RIMS2: variants seen among roughly 807,000 people sequenced by gnomAD.
RIMS2 encodes regulating synaptic membrane exocytosis 2.
A neutral mutation model predicts 174.4 loss-of-function variants in RIMS2; 59 were observed. That is an observed-to-expected ratio of 0.34 (90% CI 0.27 to 0.42). RIMS2 has a LOEUF of 0.42. RIMS2 is among the 10% of genes least tolerant of loss of function. RIMS2 has a pLI of 1.00. For missense variants in RIMS2, 1,620 were observed against 1,666.3 expected, an observed-to-expected ratio of 0.97 and a Z score of 0.48; for synonymous variants, 606 against 572.5, an observed-to-expected ratio of 1.06 and a Z score of -0.84.
At chr8:103,516,020 A>G (rs1476056319) in intron 1 of RIMS2, among the ~76,000 whole-genome samples, 2 of 152,122 alleles carry the variant, frequency 1.3e-5, no homozygotes, top group Non-Finnish European at 2.9e-5. Flanking sequence ...AATATCATTG[A>G]AAGTGACACA....
At chr8:103,861,553 A>G (rs1045657319) in intron 3 of RIMS2, among the ~76,000 whole-genome samples, 13 of 152,152 alleles carry the variant, frequency 8.5e-5, no homozygotes, top group Admixed American at 4.6e-4. Flanking sequence ...GGAAATCTCC[A>G]TACTGTTTTC....
intron 1 of RIMS2, among the ~76,000 whole-genome samples, chr8:103,549,358 T>C (rs1299427058): frequency 6.6e-6 from 1 of 152,154 alleles, no homozygotes; most frequent in African/African-American, 2.4e-5. Flanking sequence ...GAATTTCATA[T>C]CGAGCCAAAC....
chr8:103,751,233 G>A (rs1208324521), intron 2 of RIMS2, among the ~76,000 whole-genome samples: 2 of 152,128 alleles, frequency 1.3e-5, no homozygotes, highest in Non-Finnish European at 1.5e-5. Flanking sequence ...TACTGAGAAT[G>A]ATGGTTTCCA....
intron 1 of RIMS2, among the ~76,000 whole-genome samples, chr8:103,651,776 T>A (rs1056302584): frequency 3.9e-5 from 6 of 152,110 alleles, no homozygotes; most frequent in African/African-American, 1.2e-4. Flanking sequence ...GTAAGACTTT[T>A]AAAAATACAT....
At chr8:103,734,161 C>T (rs564527356) in intron 2 of RIMS2, among the ~76,000 whole-genome samples, 51 of 151,334 alleles carry the variant, frequency 3.4e-4, no homozygotes, top group Admixed American at 8.6e-4. Context: ...TACAGGTGCA[C>T]GCCACCACAC....
intron 19 of RIMS2, among the ~76,000 whole-genome samples, chr8:104,078,501 A>G (rs771907385): frequency 2.6e-5 from 4 of 152,122 alleles, no homozygotes; most frequent in Non-Finnish European, 5.9e-5. Flanking sequence ...AAGGACACCA[A>G]TCATATTGGA....
intron 19 of RIMS2, among the ~76,000 whole-genome samples, chr8:104,025,808 C>T (rs2096244825): frequency 6.6e-6 from 1 of 151,946 alleles, no homozygotes; most frequent in Non-Finnish European, 1.5e-5. Flanking sequence ...TATTATCATA[C>T]TGTGCTTTTC....
At chr8:104,070,581 C>G (rs989918125) in intron 19 of RIMS2, among the ~76,000 whole-genome samples, 2 of 152,092 alleles carry the variant, frequency 1.3e-5, no homozygotes, top group Non-Finnish European at 2.9e-5. Context: ...AATAGACACA[C>G]CTGACCTTTT....
intron 2 of RIMS2, among the ~76,000 whole-genome samples, chr8:103,738,248 C>T (rs1195943391): frequency 2.0e-5 from 3 of 152,038 alleles, no homozygotes; most frequent in African/African-American, 7.2e-5. Context: ...TATTGTATAA[C>T]ATATTATACA....
intron 1 of RIMS2, among the ~76,000 whole-genome samples, chr8:103,506,193 A>G (rs1823523959): frequency 6.6e-6 from 1 of 152,148 alleles, no homozygotes; most frequent in Non-Finnish European, 1.5e-5. Context: ...TTGACATTTT[A>G]TAAGAAAACA....
At position 103,740,472 on chromosome 8, in the gene RIMS2, T is replaced by C. The variant is rs187482345; in HGVS notation, c.388-25755T>C. Among the ~76,000 whole-genome samples the C allele has an allele frequency of 1.8e-4, 27 of 152,304 alleles. No homozygotes were observed. The East Asian group carries it at 5.0e-3, about 28-fold the overall frequency. The stretch of plus-strand genomic sequence containing the variant: ...CTTGCTCAGAAAATATTGTACACTT[T>C]AGCTCAATGGAAGATGGTTATAGAT... On this transcript the variant is annotated intron_variant, in intron 2 of 23. Transcript: ENST00000504942.
chr8:103,934,291 T>C (rs948347876), intron 12 of RIMS2, among the ~76,000 whole-genome samples: 2 of 152,174 alleles, frequency 1.3e-5, no homozygotes, highest in African/African-American at 4.8e-5. Flanking sequence ...TATTTTATTA[T>C]AATTAGGCTT....
At chr8:103,758,158 T>C (rs2098052674) in intron 2 of RIMS2, among the ~76,000 whole-genome samples, 2 of 152,138 alleles carry the variant, frequency 1.3e-5, no homozygotes, top group African/African-American at 4.8e-5. Flanking sequence ...ATCTAGGACC[T>C]CCTGTCTTTC....
At chr8:103,766,342 G>A (rs373632214) in exon 3 of RIMS2, 59 of 1,613,450 alleles carry the variant, frequency 3.7e-5, no homozygotes, top group Non-Finnish European at 4.6e-5. Flanking sequence ...AAGGTTCTTC[G>A]AGGGCTAAGA....
At chr8:104,094,554 G>A (rs1351296520) in intron 19 of RIMS2, 2 of 701,942 alleles carry the variant, frequency 2.8e-6, no homozygotes, top group East Asian at 2.7e-5. Context: ...AGAGGTAAAG[G>A]AAGAAAGAAT....
intron 19 of RIMS2, among the ~76,000 whole-genome samples, chr8:104,056,641 G>A (rs2096873947): frequency 6.6e-6 from 1 of 152,040 alleles, no homozygotes; most frequent in African/African-American, 2.4e-5. Context: ...CAACACTTTG[G>A]GAAACTAAGG....
intron 19 of RIMS2, among the ~76,000 whole-genome samples, chr8:104,209,644 G>C (rs377729558): frequency 6.6e-6 from 1 of 152,032 alleles, no homozygotes; most frequent in Non-Finnish European, 1.5e-5. Context: ...TGAGCTTTAG[G>C]GGGCAAGGAT....
At chr8:104,015,916 T>C (rs2095888898) in intron 19 of RIMS2, among the ~76,000 whole-genome samples, 1 of 152,082 alleles carries the variant, frequency 6.6e-6, no homozygotes, top group Admixed American at 6.6e-5. Flanking sequence ...GTTGTTGAAT[T>C]AGAAAGTGAT....
At chr8:103,852,983 TG>T (rs2154493728) in intron 3 of RIMS2, among the ~76,000 whole-genome samples, 1 of 152,240 alleles carries the variant, frequency 6.6e-6, no homozygotes, top group South Asian at 2.1e-4. Flanking sequence ...ATCTCCAAAC[TG>T]CTTTCCACAG....
Sources: gnomAD v4.1 joint callset for allele counts (sites outside exome capture counted in the v4.1 genomes callset) on GRCh38, gnomAD v4.1.1 for gene constraint, MANE v1.5 for transcripts, NCBI Gene and HGNC (gene_info 2026-07-23, HGNC 2026-07-21) for gene names.